Variants in C12orf76 observed in about 807,000 individuals in gnomAD.
C12orf76 encodes the protein uncharacterized protein C12orf76.
Under a neutral mutation model 6.8 loss-of-function variants are expected in C12orf76, and 6 were observed. That is an observed-to-expected ratio of 0.88 (90% CI 0.48 to 1.73). The LOEUF is 1.73. Among genes scored for constraint, C12orf76 ranks in the 40% most tolerant of loss-of-function variants. The pLI is 0.01. For missense variants in C12orf76, 99 were observed against 98.2 expected (o/e 1.01, Z -0.03); for synonymous variants, 56 against 43.7 (o/e 1.28, Z -1.11).
upstream of C12orf76, chr12:110,050,837 T>C: frequency 1.7e-6 from 1 of 603,760 alleles, no homozygotes. Context: ...CCTAATTCTT[T>C]CTTGCGCTAG....
intron 1 of C12orf76, 176 bp from the exon 2 acceptor site, chr12:110,042,635 C>G: frequency 1.4e-6 from 1 of 699,640 alleles, no homozygotes; most frequent in East Asian, 2.7e-5. Flanking sequence ...GGGGGAGAAA[C>G]AAACAGATGA....
At chr12:110,044,142 CA>C (rs1392017593) in intron 1 of C12orf76, 6 of 152,122 alleles carry the variant, frequency 3.9e-5, no homozygotes, top group Non-Finnish European at 7.3e-5. Context: ...GGGAAGCATT[CA>C]AAACAAGCAA....
chr12:110,056,954 T>G (rs1892678921), intron 4 of C12orf76: 2 of 509,542 alleles, frequency 3.9e-6, no homozygotes, highest in Non-Finnish European at 7.0e-6. Context: ...TATGTCTTTA[T>G]TAGCAGCATG....
intron 4 of C12orf76, chr12:110,056,938 C>G (rs780570063): frequency 2.5e-4 from 110 of 442,366 alleles, no homozygotes; most frequent in Non-Finnish European, 2.0e-4. Flanking sequence ...ATTACCTAGT[C>G]TCGAATATGT....
upstream of C12orf76, among the ~76,000 whole-genome samples, chr12:110,053,188 CAA>C (rs1194301989): frequency 1.7e-4 from 15 of 86,512 alleles, no homozygotes; most frequent in Non-Finnish European, 1.6e-4. Flanking sequence ...TAGACTGTCT[CAA>C]AAAAAAAAAA....
chr12:110,063,950 G>C (rs187325598), intron 2 of C12orf76, among the ~76,000 whole-genome samples: 68 of 152,224 alleles, frequency 4.5e-4, no homozygotes, highest in Middle Eastern at 3.4e-3. Flanking sequence ...AAACCAATGA[G>C]CTTGGAAGTG....
rs751009249 is a variant in C12orf76, at chr12:110,042,425, C to T, written c.168G>A (p.Val56=). 2.5e-6 allele frequency: 4 copies of T among 1,614,140 alleles called. No homozygotes were observed. The South Asian group carries it at 3.3e-5, about 13-fold the overall frequency. ...LMGTIFSILL[V]TVILMAFCVY... is the part of the protein sequence containing the mutation. Reference sequence around the variant, plus strand: ...CACAAAATGCCATAAGGATGACAGTCACCAGCAGGATGCTGAAAATGGTTC... The same window carrying T: ...CACAAAATGCCATAAGGATGACAGTTACCAGCAGGATGCTGAAAATGGTTC... The change falls in exon 2 of 2, where the codon GTG becomes GTA. Residue 56 remains valine, a synonymous_variant. Coordinates refer to ENST00000615315, the MANE Select transcript of C12orf76 (RefSeq NM_001389625.1).
intron 2 of C12orf76, among the ~76,000 whole-genome samples, chr12:110,062,928 C>A (rs1300493615): frequency 6.6e-6 from 1 of 150,992 alleles, no homozygotes; most frequent in South Asian, 2.1e-4. Flanking sequence ...TAGGGGTGAA[C>A]CCCTGCAGCG....
upstream of C12orf76, among the ~76,000 whole-genome samples, chr12:110,053,111 G>A (rs1394046730): frequency 3.3e-5 from 5 of 151,666 alleles, no homozygotes; most frequent in Middle Eastern, 3.4e-3. Context: ...AGAATCACTT[G>A]AAGTCAGGAG....
chr12:110,051,855 C>T (rs1364468257), upstream of C12orf76, among the ~76,000 whole-genome samples: 1 of 151,712 alleles, frequency 6.6e-6, no homozygotes, highest in African/African-American at 2.4e-5. Flanking sequence ...TGGTGCATTT[C>T]CAGAAACACC....
chr12:110,059,027 C>G, exon 3 of C12orf76: 1 of 1,551,510 alleles, frequency 6.4e-7, no homozygotes, highest in Non-Finnish European at 8.7e-7. Context: ...ATGAATGAAG[C>G]GAGAAGCTTG....
exon 1 of C12orf76, chr12:110,073,437 A>C: frequency 1.9e-6 from 1 of 523,362 alleles, no homozygotes; most frequent in Admixed American, 2.0e-5. Flanking sequence ...ATAGGAAAAG[A>C]CGATCACGTG....
chr12:110,060,948 T>C (rs1244745789), intron 2 of C12orf76, among the ~76,000 whole-genome samples: 1 of 151,978 alleles, frequency 6.6e-6, no homozygotes, highest in Non-Finnish European at 1.5e-5. Flanking sequence ...GACAGGAGAA[T>C]CACTTGAGCC....
At chr12:110,057,378 C>G in intron 3 of C12orf76, 1 of 874,172 alleles carries the variant, frequency 1.1e-6, no homozygotes. Flanking sequence ...TCATGACTAA[C>G]CCAGGGCCAA....
At chr12:110,065,296 G>A (rs542720025) in intron 2 of C12orf76, among the ~76,000 whole-genome samples, 4 of 151,746 alleles carry the variant, frequency 2.6e-5, no homozygotes, top group South Asian at 4.2e-4. Flanking sequence ...TCAGCCTCCC[G>A]AGTAGCTGGG....
At chr12:110,055,408 T>C (rs1380593759) in intron 4 of C12orf76, among the ~76,000 whole-genome samples, 1 of 152,092 alleles carries the variant, frequency 6.6e-6, no homozygotes, top group East Asian at 1.9e-4. Context: ...GGTTTCACCA[T>C]GTTGGCCAAG....
Position 110,054,882 on chromosome 12 carries a change from A to G in C12orf76, n.664+2307T>C, listed in dbSNP as rs1892643059. ...TATTTCACAGGTGCAGTCACAGCAC[A>G]CTACAGCCACAAACTCCTGGGCTCA... On this transcript the variant is annotated intron_variant and non_coding_transcript_variant, in intron 4 of 4. Coordinates refer to the C12orf76 transcript ENST00000309050. This position sits in a 1 kb window ranked among gnomAD's most constrained non-coding sequence, Gnocchi z 4.4. 6.6e-6 allele frequency among the ~76,000 whole-genome samples: 1 copy of G among 152,198 alleles called. No homozygotes were observed. The highest frequency in any genetic ancestry group is 2.4e-5 in the African/African-American group (1 of 41,446).
chr12:110,065,998 T>C, exon 2 of C12orf76: 1 of 1,607,444 alleles, frequency 6.2e-7, no homozygotes, highest in South Asian at 1.1e-5. Flanking sequence ...GGGTCATCTC[T>C]GACCTTCTGA....
At chr12:110,073,606 AGCAAGCCCCCTCCCAGTAACT>A in exon 1 of C12orf76, 1 of 442,842 alleles carries the variant, frequency 2.3e-6, no homozygotes, top group South Asian at 1.7e-5. Context: ...ATGGGGCCAC[AGCAAGCCCCCTCCCAGTAACT>A]GCAAAATGAA....
Sources: gnomAD v4.1 joint callset for allele counts (sites outside exome capture counted in the v4.1 genomes callset) on GRCh38, gnomAD v4.1.1 for gene constraint, Gnocchi (gnomAD v3.1) non-coding constraint, MANE v1.5 for transcripts, NCBI Gene and HGNC (gene_info 2026-07-23, HGNC 2026-07-21) for gene names.